TRAPPC8: variants seen among roughly 807,000 people sequenced by gnomAD.
The protein encoded by TRAPPC8 is general sporulation gene 1 homolog.
In TRAPPC8, 54 loss-of-function variants were observed where a neutral mutation model predicts 174.3. The ratio of observed to expected loss-of-function variants is 0.31; its 90% CI spans 0.25 to 0.39. The LOEUF (loss-of-function observed/expected upper bound fraction) is 0.39, where lower values mean the gene tolerates loss of function less well. Ranked by LOEUF, TRAPPC8 falls within the 10% of genes least tolerant of loss-of-function variation. TRAPPC8 has a pLI of 1.00. For missense variants in TRAPPC8, 1,531 were observed against 1,699.1 expected (o/e 0.90, Z 1.74); for synonymous variants, 630 against 579.9 (o/e 1.09, Z -1.24).
intron 9 of TRAPPC8, among the ~76,000 whole-genome samples, chr18:31,903,765 C>T (rs1023535815): frequency 6.6e-6 from 1 of 152,104 alleles, no homozygotes; most frequent in Non-Finnish European, 1.5e-5. Flanking sequence ...GTGGCTCACA[C>T]CTGTAATCCC....
chr18:31,870,892 A>G, intron 15 of TRAPPC8, 34 bp downstream of exon 15: 1 of 1,462,878 alleles, frequency 6.8e-7, no homozygotes, highest in Non-Finnish European at 9.2e-7. Flanking sequence ...AGTAAAACAA[A>G]TAAAAAACAG....
intron 19 of TRAPPC8, among the ~76,000 whole-genome samples, chr18:31,863,517 TAAA>T (rs2034436002): frequency 6.6e-6 from 1 of 152,184 alleles, no homozygotes; most frequent in Non-Finnish European, 1.5e-5. Flanking sequence ...ATGTAACGGT[TAAA>T]AAGAAGACTG....
At chr18:31,927,022 G>C (rs1178835139) in intron 2 of TRAPPC8, among the ~76,000 whole-genome samples, 1 of 152,164 alleles carries the variant, frequency 6.6e-6, no homozygotes, top group East Asian at 1.9e-4. Context: ...AAAGACTACA[G>C]AAATTGGTGG....
chr18:31,933,485 G>A (rs1334246405), intron 1 of TRAPPC8, among the ~76,000 whole-genome samples: 3 of 152,124 alleles, frequency 2.0e-5, no homozygotes, highest in African/African-American at 7.2e-5. Flanking sequence ...GATCATTTTA[G>A]TGATTTAGGT....
chr18:31,848,322 CA>C (rs34640997), intron 25 of TRAPPC8, among the ~76,000 whole-genome samples: 39,165 of 151,970 alleles, frequency 0.26, 5,334 homozygotes, highest in Middle Eastern at 0.39. Context: ...TTCCCCTCAT[CA>C]AAGAATACCA....
Position 31,893,404 on chromosome 18 carries a change from C to A in TRAPPC8, c.1597-2538G>T, listed in dbSNP as rs76819926. Among the ~76,000 whole-genome samples, 350 of 117,410 alleles carry A rather than the reference C, an allele frequency of 3.0e-3. 3 individuals are homozygous for A. Among genetic ancestry groups the A allele is most frequent in the African/African-American group, 0.012 (337 of 27,546 alleles). 77.0% of individuals were successfully genotyped at this position (117,410 alleles called of 152,430 possible). ...AGGTGTGTGTGTGTGTGTGTGTGTG[C>A]GCGCGCGCGTGTGCCTGTGTGTGTG... On this transcript the variant is annotated intron_variant, in intron 11 of 28. Transcript: ENST00000283351.
intron 12 of TRAPPC8, among the ~76,000 whole-genome samples, chr18:31,879,740 GAA>G (rs1227375819): frequency 1.3e-5 from 2 of 151,800 alleles, no homozygotes; most frequent in African/African-American, 4.8e-5. Flanking sequence ...GCAAGAAAAA[GAA>G]GAGATGATTT....
chr18:31,850,038 T>C (rs1048714997), intron 24 of TRAPPC8, among the ~76,000 whole-genome samples: 1 of 151,980 alleles, frequency 6.6e-6, no homozygotes, highest in Non-Finnish European at 1.5e-5. Context: ...CTGCAACCTC[T>C]ACCTCCTGGG....
At chr18:31,888,219 T>C (rs1478542819) in intron 12 of TRAPPC8, among the ~76,000 whole-genome samples, 1 of 152,196 alleles carries the variant, frequency 6.6e-6, no homozygotes, top group African/African-American at 2.4e-5. Flanking sequence ...TACCATTTCA[T>C]GGCAGTCAGA....
chr18:31,892,712 A>T (rs2036006066), intron 11 of TRAPPC8, among the ~76,000 whole-genome samples: 1 of 152,096 alleles, frequency 6.6e-6, no homozygotes, highest in East Asian at 1.9e-4. Context: ...CTCAGCCAAA[A>T]ATCTTTAAAA....
chr18:31,843,650 C>A (rs2033231179), intron 26 of TRAPPC8, among the ~76,000 whole-genome samples: 3 of 152,120 alleles, frequency 2.0e-5, no homozygotes, highest in Admixed American at 2.0e-4. Flanking sequence ...GGTAACTCAG[C>A]ATTCTTTATT....
intron 26 of TRAPPC8, among the ~76,000 whole-genome samples, chr18:31,841,308 C>T (rs536698515): frequency 7.9e-5 from 12 of 151,756 alleles, no homozygotes; most frequent in African/African-American, 2.7e-4. Context: ...TTTATCTTTC[C>T]AATTGACAGC....
intron 2 of TRAPPC8, among the ~76,000 whole-genome samples, chr18:31,922,014 T>C (rs1023210034): frequency 1.4e-4 from 21 of 152,290 alleles, no homozygotes; most frequent in African/African-American, 4.8e-4. Context: ...AACCCAAAAC[T>C]GTCATTTTTT....
At chr18:31,835,562 T>C (rs139819813) in intron 27 of TRAPPC8, among the ~76,000 whole-genome samples, 1 of 152,302 alleles carries the variant, frequency 6.6e-6, no homozygotes, top group Non-Finnish European at 1.5e-5. Context: ...CCTAACATAA[T>C]ACTCGGTCAC....
intron 2 of TRAPPC8, among the ~76,000 whole-genome samples, chr18:31,918,051 G>A (rs528848068): frequency 1.2e-4 from 19 of 152,086 alleles, no homozygotes; most frequent in Admixed American, 2.0e-4. Context: ...GCTTGAACCC[G>A]GGAGGTGGGG....
At position 31,907,518 on chromosome 18, in the gene TRAPPC8, T is replaced by A; in HGVS notation, c.1331A>T (p.His444Leu). 6.2e-7 allele frequency: 1 copy of A among 1,609,594 alleles called. No individual in the cohort carries two copies. The highest frequency in any genetic ancestry group is 8.5e-7 in the Non-Finnish European group (1 of 1,177,334). The change falls in exon 9 of 29, where the codon CAT becomes CTT. Residue 444 changes from histidine to leucine, a missense_variant. Physicochemically the swap from His to Leu is moderately conservative, Grantham distance 99. Coordinates refer to ENST00000283351, the MANE Select transcript of TRAPPC8 (RefSeq NM_014939.5). ...ATTAAGAAAATCTTTCTTTGCAGTA[T>A]GATAGCAACTGTAAGCCAAATCATA... ...QHYDLAYSCY[H>L]TAKKDFLNDQ...
chr18:31,942,712 G>A lies in TRAPPC8; in HGVS notation c.53C>T (p.Pro18Leu). 2 of 1,607,226 alleles carry A rather than the reference G, an allele frequency of 1.2e-6. No individual in the cohort carries two copies. Residue 18 changes from proline to leucine, a missense_variant, in exon 1 of 29, where the codon CCC becomes CTC. Physicochemically the swap from Pro to Leu is moderately conservative, Grantham distance 98. Transcript: ENST00000283351. ...VQELIPDSFV[P>L]CVAALCSDEA... The stretch of plus-strand genomic sequence containing the variant: ...GTCGCTGCACAGCGCAGCGACACAG[G>A]GGACGAAGGAGTCCGGGATTAGCTC...
intron 16 of TRAPPC8, among the ~76,000 whole-genome samples, chr18:31,869,139 G>A (rs113862048): frequency 4.6e-5 from 7 of 151,992 alleles, no homozygotes; most frequent in African/African-American, 1.7e-4. Flanking sequence ...TTCATTTACA[G>A]TCAGGTGGGT....
At chr18:31,893,853 A>T (rs1446154939) in intron 11 of TRAPPC8, among the ~76,000 whole-genome samples, 1 of 152,174 alleles carries the variant, frequency 6.6e-6, no homozygotes, top group Non-Finnish European at 1.5e-5. Context: ...AAAATAAAAT[A>T]AAATAATATA....
Sources: gnomAD v4.1 joint callset for allele counts (sites outside exome capture counted in the v4.1 genomes callset) on GRCh38, gnomAD v4.1.1 for gene constraint, MANE v1.5 for transcripts, NCBI Gene and HGNC (gene_info 2026-07-23, HGNC 2026-07-21) for gene names.